FBLN1: variants seen among roughly 807,000 people sequenced by gnomAD.
FBLN1 encodes the protein fibulin-1.
In FBLN1, 34 loss-of-function variants were observed where a neutral mutation model predicts 89.7. The observed-to-expected ratio is 0.38, with a 90% CI of 0.29 to 0.50. The LOEUF is 0.50. Among genes scored for constraint, FBLN1 ranks in the 20% least tolerant of loss-of-function variants. The pLI is 0.92. For missense variants in FBLN1, 777 were observed against 988.1 expected (o/e 0.79, Z 2.86); for synonymous variants, 393 against 391.3 (o/e 1.00, Z -0.05).
rs1267166390 is a variant in FBLN1 at position 45,563,081 on chromosome 22, G to A, written c.1698-11430G>A. On this transcript the variant is annotated intron_variant, in intron 14 of 16. Transcript: ENST00000327858. This position sits in a 1 kb window ranked among gnomAD's most constrained non-coding sequence, Gnocchi z 5.7. ...GGACAGCATGCAGCTGGCCATCACC[G>A]GCGGCAATGAGGAGGGCTTTTTCAC... The A allele has an allele frequency of 8.1e-6, 13 of 1,613,214 alleles. No homozygotes were observed. The highest frequency in any genetic ancestry group is 2.2e-5 in the East Asian group (1 of 44,842).
intron 3 of FBLN1, 143 bp downstream of exon 3, chr22:45,525,821 G>C: frequency 8.8e-7 from 1 of 1,132,152 alleles, no homozygotes. Context: ...TCCTGGGCCA[G>C]GAGGGAGGTG....
chr22:45,532,545 C>G lies in FBLN1; in HGVS notation c.545-518C>G, dbSNP rs2088422305. Reference sequence around the variant, plus strand: ...CACTCTGAGCATCACTCTGGCCACCCTGTAGGAAGAACAGGTTGTGGGGTG... The same window carrying G: ...CACTCTGAGCATCACTCTGGCCACCGTGTAGGAAGAACAGGTTGTGGGGTG... On this transcript the variant is annotated intron_variant, in intron 5 of 16. Transcript: ENST00000327858. The surrounding 1 kb of genome is among the most constrained non-coding windows in gnomAD (Gnocchi z 4.2). 6.6e-6 allele frequency among the ~76,000 whole-genome samples: 1 copy of G among 152,110 alleles called. No homozygotes were observed. The highest frequency in any genetic ancestry group is 1.5e-5 in the Non-Finnish European group (1 of 68,010).
chr22:45,600,426 G>A lies in FBLN1; in HGVS notation c.2092G>A (p.Val698Ile), dbSNP rs542456034. ...HRNVVNVHIFVSEYWF is the reference protein window; with the variant it reads ...HRNVVNVHIFISEYWF ...AAATGTTGTCAACGTCCACATCTTC[G>A]TCTCTGAGTACTGGTTCTGAGGGCT... Residue 698 changes from valine (V) to isoleucine (I), a missense_variant, in exon 17 of 17, where the codon GTC becomes ATC. Physicochemically the swap from Val to Ile is conservative, Grantham distance 29. Transcript: ENST00000327858. The A allele has an allele frequency of 2.2e-5, 36 of 1,614,196 alleles. No individual in the cohort carries two copies. The East Asian group carries it at 3.3e-4, about 15-fold the overall frequency.
chr22:45,546,256 C>T (rs544422863), intron 11 of FBLN1, among the ~76,000 whole-genome samples: 6 of 152,192 alleles, frequency 3.9e-5, no homozygotes, highest in East Asian at 1.9e-4. Flanking sequence ...CTCGCTCTGT[C>T]GCCCAGGCTG....
chr22:45,533,267 C>T, intron 6 of FBLN1, 103 bp downstream of exon 6: 1 of 1,090,614 alleles, frequency 9.2e-7, no homozygotes, highest in South Asian at 1.3e-5. Flanking sequence ...ACCCAGACCC[C>T]ATTCAGGGGT....
intron 16 of FBLN1, among the ~76,000 whole-genome samples, chr22:45,592,050 G>A (rs1390080336): frequency 6.6e-6 from 1 of 152,196 alleles, no homozygotes; most frequent in African/African-American, 2.4e-5. Flanking sequence ...TAGTGGGATG[G>A]GAAGATCTGG....
rs1293127797 is a variant in FBLN1 at position 45,583,347 on chromosome 22, T to C, written c.1972+6239T>C. ...GCCAAGCAGCATGGCAGCGATGAAG[T>C]CCACATGATCGAAGGGTGGATGCTT... On this transcript the variant is annotated intron_variant, in intron 16 of 16. Coordinates refer to ENST00000327858, the MANE Select transcript of FBLN1 (RefSeq NM_006486.3). The surrounding 1 kb of genome is among the most constrained non-coding windows in gnomAD (Gnocchi z 4.5). Among the ~76,000 whole-genome samples the C allele has an allele frequency of 6.6e-6, 1 of 152,096 alleles. No individual in the cohort carries two copies. The highest frequency in any genetic ancestry group is 1.5e-5 in the Non-Finnish European group (1 of 68,012).
At position 45,541,276 on chromosome 22, in the gene FBLN1, A is replaced by G. The variant is rs762352211; in HGVS notation, c.970A>G (p.Thr324Ala). Residue 324 changes from threonine to alanine, a missense_variant, in exon 9 of 17, where the codon ACA becomes GCA. Transcript: ENST00000327858. The part of the protein sequence containing the change: ...SISAPCPIGH[T>A]CINTEGSYTC... ...CAGTGCCCCGTGCCCTATCGGGCAT[A>G]CATGCATCAACACAGAGGGCTCCTA... is the stretch of plus-strand genomic sequence containing the variant. 1 of 1,614,232 alleles carries G rather than the reference A, an allele frequency of 6.2e-7. No individual in the cohort carries two copies. Among genetic ancestry groups the G allele is most frequent in the Admixed American group, 1.7e-5 (1 of 60,030 alleles).
rs2089125273 is a variant in FBLN1 at position 45,590,331 on chromosome 22, C to G, written c.1973-9976C>G. On this transcript the variant is annotated intron_variant, in intron 16 of 16. Transcript: ENST00000327858. The surrounding 1 kb of genome is among the most constrained non-coding windows in gnomAD (Gnocchi z 4.1). ...CTTGGCCCCTCTGGTGTGCCCACGT[C>G]TTTGAGTGAAGTTGGCAAGACTTGA... is the stretch of plus-strand genomic sequence containing the variant. Among the ~76,000 whole-genome samples the G allele has an allele frequency of 6.6e-6, 1 of 152,258 alleles. No homozygotes were observed. The highest frequency in any genetic ancestry group is 1.5e-5 in the Non-Finnish European group (1 of 68,050).
chr22:45,516,959 G>A (rs539493783), intron 1 of FBLN1, among the ~76,000 whole-genome samples: 1 of 152,328 alleles, frequency 6.6e-6, no homozygotes, highest in East Asian at 1.9e-4. Flanking sequence ...TATCCATTCT[G>A]GAATGTTTCT....
At chr22:45,567,542 G>T (rs1357530650) in intron 14 of FBLN1, among the ~76,000 whole-genome samples, 1 of 152,178 alleles carries the variant, frequency 6.6e-6, no homozygotes, top group African/African-American at 2.4e-5. Flanking sequence ...CTTGAACCTG[G>T]AATACAGAGA....
At chr22:45,528,979 G>A (rs1035850403) in intron 4 of FBLN1, among the ~76,000 whole-genome samples, 1 of 152,210 alleles carries the variant, frequency 6.6e-6, no homozygotes, top group Non-Finnish European at 1.5e-5. Context: ...TTCATCAGGT[G>A]CTGGGAGGAT....
chr22:45,508,601 G>A (rs2088056889), intron 1 of FBLN1, among the ~76,000 whole-genome samples: 1 of 152,184 alleles, frequency 6.6e-6, no homozygotes, highest in South Asian at 2.1e-4. Flanking sequence ...TTTAAGTCTA[G>A]TTCAGGGGGG....
intron 1 of FBLN1, chr22:45,517,556 A>T (rs901889231): frequency 4.2e-6 from 2 of 470,876 alleles, no homozygotes; most frequent in African/African-American, 4.0e-5. Context: ...TTGGAGCGTG[A>T]TCCTTTCATC....
Position 45,527,886 on chromosome 22 carries a change from G to A in FBLN1, c.361G>A (p.Ala121Thr), listed in dbSNP as rs745998755. 6.2e-7 allele frequency: 1 copy of A among 1,614,110 alleles called. No individual in the cohort carries two copies. Among genetic ancestry groups the A allele is most frequent in the Non-Finnish European group, 8.5e-7 (1 of 1,180,024 alleles). The change falls in exon 4 of 17, where the codon GCC becomes ACC. Residue 121 changes from alanine (A) to threonine (T), a missense_variant. Physicochemically the swap from Ala to Thr is moderately conservative, Grantham distance 58 (BLOSUM62 0). Transcript: ENST00000327858. ...CTGTCTGCTGGGGAGGGCGGCCCAG[G>A]CCCAGGGCCAGAGCTGCGAGTACAG... ...HCCLLGRAAQ[A>T]QGQSCEYSLM... is the part of the protein sequence containing the mutation.
chr22:45,522,972 G>A (rs758568127), intron 2 of FBLN1: 1 of 538,098 alleles, frequency 1.9e-6, no homozygotes. Flanking sequence ...ATTCTATAGG[G>A]GATGCAGAAT....
chr22:45,562,827 C>G lies in FBLN1; in HGVS notation c.1698-11684C>G. 1 of 1,355,450 alleles carries G rather than the reference C, an allele frequency of 7.4e-7. No homozygotes were observed. The highest frequency in any genetic ancestry group is 1.0e-6 in the Non-Finnish European group (1 of 956,706). 84.0% of individuals were successfully genotyped at this position (1,355,450 alleles called of 1,614,324 possible). ...GGCGGCGGGAGGCCCCGCCTGCCAG[C>G]CCCGCATCCCCGCGCTCTGCCGTTT... On this transcript the variant is annotated intron_variant, in intron 14 of 16. Coordinates refer to ENST00000327858, the MANE Select transcript of FBLN1 (RefSeq NM_006486.3). This position sits in a 1 kb window ranked among gnomAD's most constrained non-coding sequence, Gnocchi z 7.8.
intron 16 of FBLN1, among the ~76,000 whole-genome samples, chr22:45,598,273 G>A (rs2089202752): frequency 6.6e-6 from 1 of 152,210 alleles, no homozygotes. Flanking sequence ...CTCTCCACAA[G>A]TCCACTTTCA....
Position 45,574,453 on chromosome 22 carries a change from C to T in FBLN1, c.1698-58C>T. The T allele has an allele frequency of 6.2e-7, 1 of 1,608,016 alleles. No homozygotes were observed. Among genetic ancestry groups the T allele is most frequent in the South Asian group, 1.1e-5 (1 of 90,826 alleles). ...GCTCCTCCTCCCTAGACCTCGGCCC[C>T]TGTGGGAGCTGCTGTCCCAGCTTCC... On this transcript the variant is annotated intron_variant, in intron 14 of 16. Transcript: ENST00000327858. This position sits in a 1 kb window ranked among gnomAD's most constrained non-coding sequence, Gnocchi z 4.1.
Sources: allele counts gnomAD v4.1 joint callset (sites outside exome capture counted in the v4.1 genomes callset), GRCh38; gene constraint gnomAD v4.1.1; non-coding constraint Gnocchi (gnomAD v3.1); transcripts MANE v1.5; gene names NCBI Gene and HGNC (gene_info 2026-07-23, HGNC 2026-07-21).